TTLL11: variants seen among roughly 807,000 people sequenced by gnomAD.
TTLL11 encodes the protein tubulin tyrosine ligase like 11.
TTLL11 carries 42 observed loss-of-function variants against 51.7 expected under a neutral mutation model. The observed-to-expected ratio is 0.81, with a 90% CI of 0.64 to 1.05. The LOEUF is 1.05. TTLL11 is among the 50% of genes least tolerant of loss of function. The probability of loss-of-function intolerance (pLI) is 0.00; values close to 1 mark genes in which losing one functional copy is unlikely to be tolerated. For synonymous variants in TTLL11, 381 were observed against 383.5 expected, an observed-to-expected ratio of 0.99 and a Z score of 0.08; for missense variants, 799 against 940.4, an observed-to-expected ratio of 0.85 and a Z score of 1.97.
At chr9:122,010,519 T>C (rs1272373453) in intron 3 of TTLL11, among the ~76,000 whole-genome samples, 1 of 152,208 alleles carries the variant, frequency 6.6e-6, no homozygotes, top group Non-Finnish European at 1.5e-5. Flanking sequence ...TGAGTATTTA[T>C]GACAGAGACT....
intron 2 of TTLL11, 135 bp downstream of exon 2, chr9:122,039,137 G>A: frequency 1.5e-6 from 1 of 685,110 alleles, no homozygotes; most frequent in South Asian, 1.9e-5. Flanking sequence ...AACCTTAATG[G>A]CTAGTGAACA....
At chr9:121,909,102 A>T (rs1320744156) in intron 6 of TTLL11, among the ~76,000 whole-genome samples, 1 of 152,140 alleles carries the variant, frequency 6.6e-6, no homozygotes, top group East Asian at 1.9e-4. Flanking sequence ...ATGTTCATTC[A>T]TTATGCCATC....
chr9:121,991,154 C>T (rs1182114930), intron 3 of TTLL11, among the ~76,000 whole-genome samples: 1 of 152,218 alleles, frequency 6.6e-6, no homozygotes, highest in Non-Finnish European at 1.5e-5. Context: ...AGCTCTCCAC[C>T]TTTGCTGTGT....
chr9:121,903,604 G>A (rs1296512984), intron 6 of TTLL11, among the ~76,000 whole-genome samples: 1 of 152,138 alleles, frequency 6.6e-6, no homozygotes, highest in Non-Finnish European at 1.5e-5. Flanking sequence ...GTGAAGATTA[G>A]GTGAGATTTT....
At chr9:122,066,011 G>A (rs1316687150) in intron 1 of TTLL11, among the ~76,000 whole-genome samples, 1 of 152,078 alleles carries the variant, frequency 6.6e-6, no homozygotes, top group Non-Finnish European at 1.5e-5. Context: ...TGGTTCTCTG[G>A]GTAGGACGTT....
chr9:121,957,120 C>G (rs7866026), intron 6 of TTLL11, among the ~76,000 whole-genome samples: 11,728 of 152,178 alleles, frequency 0.077, 683 homozygotes, highest in African/African-American at 0.16. Context: ...GCTAAGGCCT[C>G]GTCCTTGCCA....
intron 6 of TTLL11, among the ~76,000 whole-genome samples, chr9:121,934,170 T>C (rs1422593200): frequency 6.6e-6 from 1 of 151,116 alleles, no homozygotes; most frequent in Non-Finnish European, 1.5e-5. Flanking sequence ...GAGGTGGAGG[T>C]TATGGTGAGC....
intron 6 of TTLL11, among the ~76,000 whole-genome samples, chr9:121,954,459 G>A (rs1314490063): frequency 6.6e-6 from 1 of 152,216 alleles, no homozygotes; most frequent in African/African-American, 2.4e-5. Context: ...GAAGCACACA[G>A]ATTCTAAGAG....
chr9:121,864,049 G>A lies in TTLL11; in HGVS notation c.1734-3606C>T, dbSNP rs552954600. On this transcript the variant is annotated intron_variant, in intron 7 of 8. Coordinates refer to ENST00000321582, the MANE Select transcript of TTLL11 (RefSeq NM_001139442.2). ...GGGGCTGGGGCTAAGCAACCAGGGT[G>A]CTTGGATTTGCCCTGTGGTTACCAA... Among the ~76,000 whole-genome samples, 155 of 152,300 alleles carry A rather than the reference G, an allele frequency of 1.0e-3. 1 individual carries two copies. Among genetic ancestry groups the A allele is most frequent in the African/African-American group, 3.7e-3 (153 of 41,564 alleles).
At chr9:121,948,271 C>T (rs1041875738) in intron 6 of TTLL11, among the ~76,000 whole-genome samples, 6 of 152,150 alleles carry the variant, frequency 3.9e-5, no homozygotes, top group Non-Finnish European at 7.4e-5. Flanking sequence ...TGGGGCTGCT[C>T]TTCTGAGAAA....
chr9:122,022,506 A>T (rs951800352), intron 3 of TTLL11, among the ~76,000 whole-genome samples: 1 of 151,956 alleles, frequency 6.6e-6, no homozygotes, highest in Non-Finnish European at 1.5e-5. Flanking sequence ...AAAGAAAAAC[A>T]AAATGTCCAC....
chr9:121,988,910 T>A, intron 4 of TTLL11: 1 of 584,888 alleles, frequency 1.7e-6, no homozygotes, highest in Non-Finnish European at 2.8e-6. Context: ...AAAACTCTGC[T>A]TTACATGTGT....
At position 121,919,069 on chromosome 9, in the gene TTLL11, C is replaced by T. The variant is rs534439215; in HGVS notation, c.1482-48321G>A. Among the ~76,000 whole-genome samples, 3 of 152,296 alleles carry T rather than the reference C, an allele frequency of 2.0e-5. No homozygotes were observed. The South Asian group carries it at 6.2e-4, about 32-fold the overall frequency. On this transcript the variant is annotated intron_variant, in intron 6 of 8. Transcript: ENST00000321582. ...GTTCATTCTATGACAACACACTGAG[C>T]AGTGCTCTTATGAATTATGCACTAT...
chr9:122,008,560 C>A (rs182667001), intron 3 of TTLL11, among the ~76,000 whole-genome samples: 4 of 152,320 alleles, frequency 2.6e-5, no homozygotes, highest in African/African-American at 9.6e-5. Flanking sequence ...ATCAAAAAGA[C>A]ATGATCTTGG....
chr9:121,822,805 C>T lies in TTLL11; in HGVS notation c.1915G>A (p.Glu639Lys), dbSNP rs1836625532. 1.3e-6 allele frequency: 2 copies of T among 1,551,684 alleles called. No homozygotes were observed. The highest frequency in any genetic ancestry group is 1.7e-6 in the Non-Finnish European group (2 of 1,146,986). The change falls in exon 9 of 9, where the codon GAG (glutamate) becomes AAG (lysine). Residue 639 changes from glutamate to lysine, a missense_variant. Around this residue, in one of 3 missense-constraint regions of TTLL11, gnomAD observed 165 missense variants for 166.1 expected, o/e 0.99. Transcript: ENST00000321582. The surrounding 1 kb of genome is among the most constrained non-coding windows in gnomAD (Gnocchi z 5.8). ...AGGTCAATCAGTGAGGCCACCTGCT[C>T]ATGAAGTGGCAGCATCTTGAACTTC... ...QRKFKMLPLH[E>K]QVASLIDLCE...
At chr9:121,845,981 G>A (rs1210397632) in intron 8 of TTLL11, among the ~76,000 whole-genome samples, 1 of 152,062 alleles carries the variant, frequency 6.6e-6, no homozygotes, top group African/African-American at 2.4e-5. Context: ...AGACTGTTGA[G>A]AGGATTAAAA....
chr9:121,897,786 T>G (rs996982602), intron 6 of TTLL11, among the ~76,000 whole-genome samples: 1 of 152,230 alleles, frequency 6.6e-6, no homozygotes, highest in Admixed American at 6.5e-5. Flanking sequence ...TGGTCCTGAC[T>G]GTACCGGGCA....
rs1588170451 is a variant in TTLL11, at chr9:121,977,026, T to C, written c.1270-2047A>G. On this transcript the variant is annotated intron_variant, in intron 4 of 8. Transcript: ENST00000321582. ...ATCCTTAGTCATCAACTCTTACTTT[T>C]TGGTATATTTTGTACTTTCTCAGCC... is the stretch of plus-strand genomic sequence containing the variant. Among the ~76,000 whole-genome samples, 2 of 152,266 alleles carry C rather than the reference T, an allele frequency of 1.3e-5. 1 individual carries two copies. The highest frequency in any genetic ancestry group is 4.1e-4 in the South Asian group (2 of 4,826).
intron 8 of TTLL11, among the ~76,000 whole-genome samples, chr9:121,844,407 C>T (rs1451007208): frequency 4.6e-5 from 7 of 152,176 alleles, no homozygotes; most frequent in African/African-American, 1.4e-4. Context: ...TATAAAACCT[C>T]ACACTGAAAG....
Sources: gnomAD v4.1 joint callset for allele counts (sites outside exome capture counted in the v4.1 genomes callset) on GRCh38, gnomAD v4.1.1 for gene constraint, gnomAD v4.1.1 regional missense constraint, Gnocchi (gnomAD v3.1) non-coding constraint, MANE v1.5 for transcripts, NCBI Gene and HGNC (gene_info 2026-07-23, HGNC 2026-07-21) for gene names.